Variants in MED26 observed in about 807,000 individuals in gnomAD.
The protein encoded by MED26 is mediator of RNA polymerase II transcription subunit 26.
MED26 carries 7 observed loss-of-function variants against 43.7 expected under a neutral mutation model. The ratio of observed to expected loss-of-function variants is 0.16; its 90% CI spans 0.09 to 0.30. The LOEUF is 0.30. MED26 is among the 10% of genes least tolerant of loss of function. The pLI is 1.00. For missense variants in MED26, 784 were observed against 840.6 expected, an observed-to-expected ratio of 0.93 and a Z score of 0.83; for synonymous variants, 375 against 371.1, an observed-to-expected ratio of 1.01 and a Z score of -0.12.
rs2086069450 is a variant in MED26, at chr19:16,586,069, C to T, written c.73-7660G>A. Reference sequence around the variant, plus strand: ...TTTCTCCACATCTGAACTGTTCCCACCCCGCCTGAGATCCCCAGCCTCTTG... The same window carrying T: ...TTTCTCCACATCTGAACTGTTCCCATCCCGCCTGAGATCCCCAGCCTCTTG... On this transcript the variant is annotated intron_variant, in intron 1 of 2. Transcript: ENST00000263390. This position sits in a 1 kb window ranked among gnomAD's most constrained non-coding sequence, Gnocchi z 5.1. Among the ~76,000 whole-genome samples the T allele has an allele frequency of 2.0e-5, 3 of 152,244 alleles. No homozygotes were observed.
Position 16,601,725 on chromosome 19 carries a change from A to G in MED26, c.73-23316T>C, listed in dbSNP as rs373095890. ...GCAAGGACCCGGGAGCAGCACAAGT[A>G]AAGGGCTGGGCACACAGCAGCGCAG... On this transcript the variant is annotated intron_variant, in intron 1 of 2. Coordinates refer to ENST00000263390, the MANE Select transcript of MED26 (RefSeq NM_004831.5). Among the ~76,000 whole-genome samples the G allele has an allele frequency of 5.2e-4, 79 of 151,988 alleles. 1 individual carries two copies. Among genetic ancestry groups the G allele is most frequent in the African/African-American group, 1.8e-3 (76 of 41,524 alleles).
At chr19:16,579,961 C>T (rs1402436623) in intron 1 of MED26, among the ~76,000 whole-genome samples, 1 of 152,232 alleles carries the variant, frequency 6.6e-6, no homozygotes, top group Admixed American at 6.5e-5. Context: ...CCTCATTTGG[C>T]TCACCATCCC....
intron 1 of MED26, among the ~76,000 whole-genome samples, chr19:16,609,941 T>TAAAA (rs869040520): frequency 3.5e-5 from 3 of 84,670 alleles, no homozygotes; most frequent in African/African-American, 1.4e-4. Flanking sequence ...AAGCACTCTT[T>TAAAA]AAAAAAAAAA....
chr19:16,600,104 C>T (rs1335760813), intron 1 of MED26, among the ~76,000 whole-genome samples: 1 of 152,160 alleles, frequency 6.6e-6, no homozygotes, highest in Non-Finnish European at 1.5e-5. Flanking sequence ...GGCCCAGGCC[C>T]ACCAGGAGCC....
Position 16,576,445 on chromosome 19 carries a change from T to G in MED26, c.1385A>C (p.Gln462Pro), listed in dbSNP as rs750508236. Residue 462 changes from glutamine to proline, a missense_variant, in exon 3 of 3, where the codon CAG becomes CCG. Physicochemically the swap from Gln to Pro is moderately conservative, Grantham distance 76. Around this residue, in one of 3 missense-constraint regions of MED26, gnomAD observed 719 missense variants for 730.9 expected, o/e 0.98. Transcript: ENST00000263390. The surrounding 1 kb of genome is among the most constrained non-coding windows in gnomAD (Gnocchi z 6.8). ...GCTCTGGAGGCTGGCCTTGGCCTCC[T>G]GCTTGTCCAGCTCTGTCCTGGACTG... is the stretch of plus-strand genomic sequence containing the variant. ...EQQSRTELDK[Q>P]EAKASLQSPF... 19 of 1,614,064 alleles carry G rather than the reference T, an allele frequency of 1.2e-5. No homozygotes were observed. Among genetic ancestry groups the G allele is most frequent in the Admixed American group, 3.3e-5 (2 of 60,002 alleles).
chr19:16,613,942 T>G (rs1314526128), intron 1 of MED26, among the ~76,000 whole-genome samples: 1 of 152,134 alleles, frequency 6.6e-6, no homozygotes, highest in Non-Finnish European at 1.5e-5. Flanking sequence ...ACTTCCCCCC[T>G]TCCAACCGCA....
At chr19:16,607,658 T>C (rs1331669466) in intron 1 of MED26, among the ~76,000 whole-genome samples, 4 of 152,234 alleles carry the variant, frequency 2.6e-5, no homozygotes, top group Non-Finnish European at 5.9e-5. Context: ...CAGTGCAAGC[T>C]TGTCCAACCC....
intron 1 of MED26, among the ~76,000 whole-genome samples, chr19:16,610,089 G>A (rs76549547): frequency 0.13 from 19,361 of 151,520 alleles, 1,323 homozygotes; most frequent in South Asian, 0.15. Flanking sequence ...CAGCGAGACC[G>A]TCTCTATAAA....
At chr19:16,583,087 G>A (rs546297119) in intron 1 of MED26, among the ~76,000 whole-genome samples, 15 of 152,306 alleles carry the variant, frequency 9.8e-5, no homozygotes, top group African/African-American at 1.7e-4. Flanking sequence ...ATGGGGAGCC[G>A]CTCCAGGCGA....
intron 1 of MED26, chr19:16,610,345 G>A (rs1199424720): frequency 1.3e-5 from 2 of 150,902 alleles, no homozygotes; most frequent in South Asian, 2.1e-4. Context: ...CACAAGTTCA[G>A]TATTAACTAT....
At chr19:16,627,816 G>A in intron 1 of MED26, 56 bp downstream of exon 1, 4 of 1,330,898 alleles carry the variant, frequency 3.0e-6, no homozygotes, top group Non-Finnish European at 3.0e-6. Context: ...TACAGGAGAG[G>A]GGGAGGGTCC....
chr19:16,603,145 C>G (rs887395151), intron 1 of MED26, among the ~76,000 whole-genome samples: 2 of 152,236 alleles, frequency 1.3e-5, no homozygotes, highest in African/African-American at 4.8e-5. Flanking sequence ...TCCTCCTGCA[C>G]AGGCCACTGA....
At chr19:16,585,085 CATCT>C in intron 1 of MED26, among the ~76,000 whole-genome samples, 1 of 152,280 alleles carries the variant, frequency 6.6e-6, no homozygotes, top group Middle Eastern at 3.4e-3. Context: ...TGCACAACAC[CATCT>C]ATCTGGTGAG....
Position 16,576,530 on chromosome 19 carries a change from T to G in MED26, c.1300A>C (p.Ile434Leu), listed in dbSNP as rs181534104. 9 of 1,614,200 alleles carry G rather than the reference T, an allele frequency of 5.6e-6. No homozygotes were observed. Among genetic ancestry groups the G allele is most frequent in the African/African-American group, 4.0e-5 (3 of 75,050 alleles). Residue 434 changes from isoleucine to leucine, a missense_variant, in exon 3 of 3, where the codon ATC becomes CTC. Physicochemically the swap from Ile to Leu is conservative, Grantham distance 5. Around this residue, in one of 3 missense-constraint regions of MED26, gnomAD observed 719 missense variants for 730.9 expected, o/e 0.98. Transcript: ENST00000263390. The surrounding 1 kb of genome is among the most constrained non-coding windows in gnomAD (Gnocchi z 6.8). ...GGCTCTTTCTGGGTCAGAGGTTTGA[T>G]CTGTCTCGTCATGGGGTCAAAGGTG... The part of the protein sequence containing the change: ...KLTFDPMTRQ[I>L]KPLTQKEPVR...
At position 16,577,604 on chromosome 19, in the gene MED26, G is replaced by A. The variant is rs2086019096; in HGVS notation, c.226C>T (p.Leu76=). The A allele has an allele frequency of 6.2e-7, 1 of 1,606,846 alleles. No individual in the cohort carries two copies. Among genetic ancestry groups the A allele is most frequent in the Non-Finnish European group, 8.5e-7 (1 of 1,174,710 alleles). The change falls in exon 3 of 3, where the codon CTG becomes TTG. Residue 76 remains leucine, a synonymous_variant. Coordinates refer to ENST00000263390, the MANE Select transcript of MED26 (RefSeq NM_004831.5). The surrounding 1 kb of genome is among the most constrained non-coding windows in gnomAD (Gnocchi z 8.1). ...ATGAGCTTCTGCCAGCTCCGCAGCAGCTTCTTGGCCCGCTTGGCGAGCTCC... is the reference window on the plus strand; with the variant it reads ...ATGAGCTTCTGCCAGCTCCGCAGCAACTTCTTGGCCCGCTTGGCGAGCTCC... The part of the protein sequence containing the change: ...NEELAKRAKK[L]LRSWQKLIEP...
In MED26 at chr19:16,577,132, G is replaced by A. The variant is rs144907165; in HGVS notation, c.698C>T (p.Pro233Leu). ...GGGTCCAGGGGGCTTGCCCAGGCCCGGGGAGCTGGTGTGCGGTCGCACGGC... is the reference window on the plus strand; with the variant it reads ...GGGTCCAGGGGGCTTGCCCAGGCCCAGGGAGCTGGTGTGCGGTCGCACGGC... ...VNAVRPHTSS[P>L]GLGKPPGPCL... Residue 233 changes from proline (P) to leucine (L), a missense_variant, in exon 3 of 3, where the codon CCG (proline) becomes CTG (leucine). Coordinates refer to ENST00000263390, the MANE Select transcript of MED26 (RefSeq NM_004831.5). This position sits in a 1 kb window ranked among gnomAD's most constrained non-coding sequence, Gnocchi z 8.1. The A allele has an allele frequency of 2.9e-5, 46 of 1,613,230 alleles. No homozygotes were observed. The highest frequency in any genetic ancestry group is 4.5e-5 in the East Asian group (2 of 44,874).
At chr19:16,590,984 G>A (rs2086094208) in intron 1 of MED26, among the ~76,000 whole-genome samples, 1 of 151,836 alleles carries the variant, frequency 6.6e-6, no homozygotes, top group Non-Finnish European at 1.5e-5. Context: ...AGGTTGCAGT[G>A]AGCTGAGATT....
chr19:16,576,156 G>T lies in MED26; in HGVS notation c.1674C>A (p.Ser558Arg). The T allele has an allele frequency of 6.2e-7, 1 of 1,613,782 alleles. No individual in the cohort carries two copies. The highest frequency in any genetic ancestry group is 8.5e-7 in the Non-Finnish European group (1 of 1,180,026). ...TQDDLDRIQA[S>R]QWPGVNGCQD... is the part of the protein sequence containing the mutation. ...GACACCCGTTCACCCCCGGCCACTGGCTGGCCTGGATTCTGTCGAGATCGT... is the reference window on the plus strand; with the variant it reads ...GACACCCGTTCACCCCCGGCCACTGTCTGGCCTGGATTCTGTCGAGATCGT... Residue 558 changes from serine (S) to arginine (R), a missense_variant, in exon 3 of 3, where the codon AGC becomes AGA. By Grantham distance (110) the Ser-to-Arg change is moderately radical. Transcript: ENST00000263390. The surrounding 1 kb of genome is among the most constrained non-coding windows in gnomAD (Gnocchi z 6.8).
chr19:16,585,540 A>G (rs996116985), intron 1 of MED26, among the ~76,000 whole-genome samples: 3 of 152,106 alleles, frequency 2.0e-5, no homozygotes, highest in African/African-American at 7.2e-5. Context: ...AGCCCCAGTC[A>G]GCACCACCTC....
Sources: gnomAD v4.1 joint callset for allele counts (sites outside exome capture counted in the v4.1 genomes callset) on GRCh38, gnomAD v4.1.1 for gene constraint, gnomAD v4.1.1 regional missense constraint, Gnocchi (gnomAD v3.1) non-coding constraint, MANE v1.5 for transcripts, NCBI Gene and HGNC (gene_info 2026-07-23, HGNC 2026-07-21) for gene names.